The following LEKR1 variants were observed in gnomAD, a reference collection of about 807,000 sequenced individuals.
LEKR1 encodes protein LEKR1.
Under a neutral mutation model 72.4 loss-of-function variants are expected in LEKR1, and 59 were observed. The observed-to-expected ratio is 0.82, with a 90% CI of 0.66 to 1.01. LEKR1 has a LOEUF of 1.01. Ranked by LOEUF, LEKR1 falls within the 50% of genes least tolerant of loss-of-function variation. LEKR1 has a pLI of 0.00. For synonymous variants in LEKR1, 257 were observed against 263.2 expected, an observed-to-expected ratio of 0.98 and a Z score of 0.23; for missense variants, 728 against 759.2, an observed-to-expected ratio of 0.96 and a Z score of 0.48.
At chr3:156,875,413 T>G (rs998327319) in intron 3 of LEKR1, among the ~76,000 whole-genome samples, 3 of 152,212 alleles carry the variant, frequency 2.0e-5, no homozygotes, top group African/African-American at 7.2e-5. Flanking sequence ...TTCTTGCAGA[T>G]TCTGGATATT....
intron 3 of LEKR1, among the ~76,000 whole-genome samples, chr3:156,908,319 C>G (rs1345776696): frequency 2.6e-5 from 4 of 152,054 alleles, no homozygotes; most frequent in Non-Finnish European, 5.9e-5. Flanking sequence ...TAGAGTTTGC[C>G]TGCAGTGGCT....
At chr3:156,966,688 C>T (rs1021624719) in intron 6 of LEKR1, among the ~76,000 whole-genome samples, 1 of 152,212 alleles carries the variant, frequency 6.6e-6, no homozygotes, top group Non-Finnish European at 1.5e-5. Flanking sequence ...CCTCCGTAGA[C>T]TCCACCTCTG....
At chr3:156,930,820 A>G (rs1725162081) in intron 5 of LEKR1, among the ~76,000 whole-genome samples, 1 of 152,138 alleles carries the variant, frequency 6.6e-6, no homozygotes, top group African/African-American at 2.4e-5. Context: ...GGAAAAAGAA[A>G]GTCTTTCAAC....
intron 10 of LEKR1, among the ~76,000 whole-genome samples, chr3:157,021,553 T>G (rs1733837757): frequency 6.6e-6 from 1 of 152,188 alleles, no homozygotes; most frequent in Admixed American, 6.6e-5. Context: ...AAGGTTCTTC[T>G]AAAGTCCTTC....
chr3:156,968,387 C>T (rs559839630), intron 6 of LEKR1, among the ~76,000 whole-genome samples: 186 of 152,268 alleles, frequency 1.2e-3, no homozygotes, highest in African/African-American at 4.3e-3. Flanking sequence ...ACCCATCTCA[C>T]ATGCAGAGAC....
chr3:156,899,817 T>C (rs1721822766), intron 3 of LEKR1, among the ~76,000 whole-genome samples: 1 of 150,956 alleles, frequency 6.6e-6, no homozygotes, highest in African/African-American at 2.4e-5. Flanking sequence ...CATATGTACG[T>C]ATATATGTAT....
chr3:157,004,526 G>A lies in LEKR1; in HGVS notation c.1110-6887G>A, dbSNP rs151254548. Among the ~76,000 whole-genome samples the A allele has an allele frequency of 4.7e-4, 72 of 152,072 alleles. 1 individual carries two copies. The highest frequency in any genetic ancestry group is 1.6e-3 in the African/African-American group (68 of 41,504). ...ACAACAGCAGAATACACATTTTCCC[G>A]CCGTGGTTATACAGATTACTCACTG... On this transcript the variant is annotated intron_variant, in intron 9 of 12. Coordinates refer to ENST00000356539, the MANE Select transcript of LEKR1 (RefSeq NM_001004316.3).
intron 10 of LEKR1, 83 bp downstream of exon 10, chr3:157,011,589 T>G (rs1732890477): frequency 1.9e-5 from 17 of 894,138 alleles, no homozygotes; most frequent in Non-Finnish European, 2.9e-5. Flanking sequence ...CTCTTCCGGA[T>G]AGATTTATTT....
At chr3:156,833,086 G>A (rs926492675) in intron 2 of LEKR1, among the ~76,000 whole-genome samples, 1 of 152,130 alleles carries the variant, frequency 6.6e-6, no homozygotes, top group African/African-American at 2.4e-5. Flanking sequence ...GCTATAAACA[G>A]CTCAAAAGGA....
rs1734360596 is a variant in LEKR1 at position 157,028,390 on chromosome 3, G to T, written c.1656G>T (p.Gln552His). ...CACAACTGATAGAGCAATTTAACCA[G>T]TCCCAGGAAGAGGTAGGAAGCAGAT... ...AQTQLIEQFNQSQEENTFLQE... is the reference protein window; with the variant it reads ...AQTQLIEQFNHSQEENTFLQE... The change falls in exon 12 of 13, where the codon CAG becomes CAT. Residue 552 changes from glutamine (Q) to histidine (H), a missense_variant. By Grantham distance (24) the Gln-to-His change is conservative. Coordinates refer to ENST00000356539, the MANE Select transcript of LEKR1 (RefSeq NM_001004316.3). 2 of 1,591,794 alleles carry T rather than the reference G, an allele frequency of 1.3e-6. No homozygotes were observed. Among genetic ancestry groups the T allele is most frequent in the Non-Finnish European group, 1.7e-6 (2 of 1,169,098 alleles).
chr3:157,018,207 T>C (rs1225307871), intron 10 of LEKR1, among the ~76,000 whole-genome samples: 1 of 152,154 alleles, frequency 6.6e-6, no homozygotes, highest in Non-Finnish European at 1.5e-5. Flanking sequence ...GAGCCTAAGA[T>C]ATCAATTCCT....
intron 5 of LEKR1, among the ~76,000 whole-genome samples, chr3:156,927,922 G>A (rs1173371449): frequency 6.6e-6 from 1 of 151,854 alleles, no homozygotes; most frequent in Non-Finnish European, 1.5e-5. Flanking sequence ...CCTTCTTATA[G>A]ATAACAACTT....
chr3:156,879,316 T>C (rs1719000158), intron 3 of LEKR1, among the ~76,000 whole-genome samples: 1 of 152,206 alleles, frequency 6.6e-6, no homozygotes, highest in East Asian at 1.9e-4. Context: ...TTGCTATGTC[T>C]TAGCAAAGAG....
intron 7 of LEKR1, among the ~76,000 whole-genome samples, chr3:156,986,641 A>G (rs1372487122): frequency 1.3e-5 from 2 of 152,182 alleles, no homozygotes; most frequent in Non-Finnish European, 2.9e-5. Context: ...CCAGATCCAG[A>G]CTGCTGGGGT....
intron 3 of LEKR1, among the ~76,000 whole-genome samples, chr3:156,884,698 A>G (rs562323811): frequency 6.6e-6 from 1 of 152,240 alleles, no homozygotes; most frequent in African/African-American, 2.4e-5. Flanking sequence ...CTTTTGTCTC[A>G]TAGCTTTTAA....
At chr3:156,855,172 G>A (rs540430401) in intron 3 of LEKR1, among the ~76,000 whole-genome samples, 2 of 152,212 alleles carry the variant, frequency 1.3e-5, no homozygotes, top group South Asian at 2.1e-4. Flanking sequence ...TTCTAGAAGT[G>A]GAACTACTGA....
At chr3:156,915,010 G>A (rs75682589) in intron 3 of LEKR1, among the ~76,000 whole-genome samples, 4,823 of 151,814 alleles carry the variant, frequency 0.032, 115 homozygotes, top group Non-Finnish European at 0.047. Flanking sequence ...CTCATCATTT[G>A]GCTCCCACTT....
intron 9 of LEKR1, among the ~76,000 whole-genome samples, chr3:157,006,392 A>G (rs1169439149): frequency 6.6e-6 from 1 of 152,188 alleles, no homozygotes; most frequent in Non-Finnish European, 1.5e-5. Context: ...GAACTCTTAT[A>G]ATCTACTGGT....
At chr3:156,936,338 C>T (rs1055418014) in intron 5 of LEKR1, among the ~76,000 whole-genome samples, 5 of 151,660 alleles carry the variant, frequency 3.3e-5, no homozygotes, top group African/African-American at 1.2e-4. Context: ...ATTCTAAGAG[C>T]AGGTCTCTAG....
Sources: allele counts gnomAD v4.1 joint callset (sites outside exome capture counted in the v4.1 genomes callset), GRCh38; gene constraint gnomAD v4.1.1; transcripts MANE v1.5; gene names NCBI Gene and HGNC (gene_info 2026-07-23, HGNC 2026-07-21).